The following PPP3CA variants were observed in gnomAD, a reference collection of about 807,000 sequenced individuals.
PPP3CA encodes protein phosphatase 3 catalytic subunit alpha.
In PPP3CA, 14 loss-of-function variants were observed where a neutral mutation model predicts 66.5. The ratio of observed to expected loss-of-function variants is 0.21; its 90% CI spans 0.14 to 0.33. The LOEUF is 0.33. Among genes scored for constraint, PPP3CA ranks in the 10% least tolerant of loss-of-function variants. The pLI, the probability that PPP3CA is intolerant of heterozygous loss-of-function variation, is 1.00. For synonymous variants in PPP3CA, 232 were observed against 226.2 expected (o/e 1.03, Z -0.23); for missense variants, 317 against 639.5 (o/e 0.50, Z 5.44).
chr4:101,029,587 G>C (rs1726846406), intron 12 of PPP3CA, among the ~76,000 whole-genome samples: 1 of 151,816 alleles, frequency 6.6e-6, no homozygotes, highest in African/African-American at 2.4e-5. Flanking sequence ...CCTCTGCTAT[G>C]CTTGGTGATT....
intron 1 of PPP3CA, among the ~76,000 whole-genome samples, chr4:101,318,588 C>A (rs1728949557): frequency 6.6e-6 from 1 of 152,024 alleles, no homozygotes; most frequent in Admixed American, 6.6e-5. Flanking sequence ...GTGGTAACTG[C>A]TCTGTTTGTA....
At chr4:101,316,808 G>A (rs1468825657) in intron 1 of PPP3CA, among the ~76,000 whole-genome samples, 1 of 152,170 alleles carries the variant, frequency 6.6e-6, no homozygotes, top group Non-Finnish European at 1.5e-5. Context: ...ACATCTGTAA[G>A]TTGAATGTAG....
intron 2 of PPP3CA, among the ~76,000 whole-genome samples, chr4:101,149,602 G>C (rs548067951): frequency 1.3e-5 from 2 of 152,154 alleles, no homozygotes; most frequent in East Asian, 3.9e-4. Context: ...CCAACATTAA[G>C]TCTCTCAACT....
chr4:101,225,519 T>C (rs1201805943), intron 1 of PPP3CA, among the ~76,000 whole-genome samples: 4 of 151,870 alleles, frequency 2.6e-5, no homozygotes, highest in Admixed American at 1.3e-4. Context: ...AATGTCCCTT[T>C]AGGTATCTTT....
chr4:101,042,173 C>CTTTTT (rs558866853), intron 10 of PPP3CA, among the ~76,000 whole-genome samples: 16 of 91,148 alleles, frequency 1.8e-4, no homozygotes, highest in Non-Finnish European at 1.8e-4. Flanking sequence ...AAGGTCTTTG[C>CTTTTT]TTTTTTTTTT....
intron 1 of PPP3CA, among the ~76,000 whole-genome samples, chr4:101,203,225 G>A (rs945915703): frequency 2.0e-5 from 3 of 152,142 alleles, no homozygotes; most frequent in African/African-American, 2.4e-5. Flanking sequence ...AGCCGGGTGC[G>A]GTGGCTCACG....
chr4:101,033,286 AC>A (rs1727083281), intron 11 of PPP3CA, among the ~76,000 whole-genome samples: 1 of 72,600 alleles, frequency 1.4e-5, no homozygotes, highest in Non-Finnish European at 2.8e-5. Flanking sequence ...ACACACACAC[AC>A]ACACAAACAC....
chr4:101,030,527 C>CT (rs1391383856), intron 12 of PPP3CA, among the ~76,000 whole-genome samples: 1 of 152,032 alleles, frequency 6.6e-6, no homozygotes, highest in African/African-American at 2.4e-5. Flanking sequence ...ACCCATATGT[C>CT]TTTTATGTGT....
chr4:101,107,773 G>C (rs931870), intron 3 of PPP3CA, among the ~76,000 whole-genome samples: 27,268 of 152,042 alleles, frequency 0.18, 4,720 homozygotes, highest in African/African-American at 0.41. Flanking sequence ...ATAAAACACT[G>C]AAATAAAAAT....
intron 1 of PPP3CA, among the ~76,000 whole-genome samples, chr4:101,344,720 A>C (rs59079781): frequency 0.1 from 15,715 of 152,272 alleles, 2,765 homozygotes; most frequent in African/African-American, 0.36. Context: ...ACTAAGCCAG[A>C]AAGTATAAAC....
chr4:101,145,695 ATAAT>A (rs1215330392), intron 2 of PPP3CA, among the ~76,000 whole-genome samples: 1 of 152,146 alleles, frequency 6.6e-6, no homozygotes, highest in Non-Finnish European at 1.5e-5. Context: ...ATTAGAAAGA[ATAAT>A]TAATTATTTC....
intron 1 of PPP3CA, among the ~76,000 whole-genome samples, chr4:101,202,457 A>G (rs944247485): frequency 2.0e-5 from 3 of 152,194 alleles, no homozygotes; most frequent in African/African-American, 7.2e-5. Flanking sequence ...AAAAAAAAGT[A>G]TATCAGTATG....
At chr4:101,029,243 G>C (rs374891444) in intron 12 of PPP3CA, 48 bp from the exon 13 acceptor site, 2 of 1,513,150 alleles carry the variant, frequency 1.3e-6, no homozygotes, top group Non-Finnish European at 1.8e-6. Context: ...AATGAGCAGA[G>C]GATTTTTTAA....
At chr4:101,089,408 G>A (rs1397968000) in intron 6 of PPP3CA, among the ~76,000 whole-genome samples, 1 of 152,140 alleles carries the variant, frequency 6.6e-6, no homozygotes, top group African/African-American at 2.4e-5. Context: ...AGAAGAGAAG[G>A]CTGCTGATTT....
chr4:101,323,796 T>C (rs1326682898), intron 1 of PPP3CA, among the ~76,000 whole-genome samples: 1 of 152,104 alleles, frequency 6.6e-6, no homozygotes, highest in Non-Finnish European at 1.5e-5. Context: ...GTAGCTGCTA[T>C]TACCGTGTTT....
rs1201450007 is a variant in PPP3CA at position 101,025,555 on chromosome 4, T to C, written c.*310A>G. 3.4e-5 allele frequency: 7 copies of C among 203,206 alleles called. No homozygotes were observed. The highest frequency in any genetic ancestry group is 6.9e-5 in the Non-Finnish European group (7 of 101,088). 12.6% of individuals were successfully genotyped at this position (203,206 alleles called of 1,614,324 possible). A position where few individuals can be genotyped will look rare whatever the true frequency, so the allele number is the denominator to read the frequency against. The stretch of plus-strand genomic sequence containing the variant: ...AAGTCCCCAATGCAGTAGGAAAACA[T>C]GTTCATTCCCCTAACATTGCAGTAT... On this transcript the variant is annotated 3_prime_UTR_variant, in exon 14 of 14. Transcript: ENST00000394854.
intron 4 of PPP3CA, among the ~76,000 whole-genome samples, 175 bp from the exon 5 acceptor site, chr4:101,098,687 A>G (rs993386281): frequency 6.6e-6 from 1 of 152,094 alleles, no homozygotes; most frequent in Non-Finnish European, 1.5e-5. Context: ...TTAATCTTTT[A>G]TATCTAGTAT....
chr4:101,198,245 T>A (rs1179458029), intron 1 of PPP3CA, among the ~76,000 whole-genome samples: 2 of 152,134 alleles, frequency 1.3e-5, no homozygotes, highest in Non-Finnish European at 2.9e-5. Flanking sequence ...ACTGATAGAG[T>A]ATGCTTGTTA....
chr4:101,052,491 A>G (rs2110218994), intron 10 of PPP3CA, among the ~76,000 whole-genome samples: 1 of 152,142 alleles, frequency 6.6e-6, no homozygotes, highest in East Asian at 1.9e-4. Flanking sequence ...TATAAAGGGT[A>G]TAAGAAATAA....
Sources: gnomAD v4.1 joint callset for allele counts (sites outside exome capture counted in the v4.1 genomes callset) on GRCh38, gnomAD v4.1.1 for gene constraint, MANE v1.5 for transcripts, NCBI Gene and HGNC (gene_info 2026-07-23, HGNC 2026-07-21) for gene names.